The following CEACAM19 variants were observed in gnomAD, a reference collection of about 807,000 sequenced individuals.
The protein encoded by CEACAM19 is cell adhesion molecule CEACAM19.
In CEACAM19, 37 loss-of-function variants were observed where a neutral mutation model predicts 37.6. The ratio of observed to expected loss-of-function variants is 0.98; its 90% CI spans 0.76 to 1.29. The LOEUF (loss-of-function observed/expected upper bound fraction) is 1.29. Ranked by LOEUF, CEACAM19 falls within the 50% of genes most tolerant of loss-of-function variation. The pLI is 0.00. For synonymous variants in CEACAM19, 140 were observed against 149.8 expected (o/e 0.93, Z 0.48); for missense variants, 340 against 375.6 (o/e 0.91, Z 0.78).
chr19:44,682,761 G>A (rs1473855035), intron 7 of CEACAM19, 141 bp downstream of exon 7: 5 of 753,114 alleles, frequency 6.6e-6, no homozygotes, highest in Admixed American at 3.3e-5. Flanking sequence ...CTCTGCTCTC[G>A]AAGAAGCCCA....
Position 44,672,620 on chromosome 19 carries a change from T to C in CEACAM19, c.80T>C (p.Leu27Pro). 6.7e-7 allele frequency: 1 copy of C among 1,485,198 alleles called. No individual in the cohort carries two copies. The highest frequency in any genetic ancestry group is 9.0e-7 in the Non-Finnish European group (1 of 1,116,572). The allele number at this position is 1,485,198 out of a possible 1,614,324, so 92.0% of individuals were successfully genotyped here. Reference protein sequence around the residue: ...LSASILVLWMLQGSQAALYIQ... With the variant: ...LSASILVLWMPQGSQAALYIQ... ...GCCTCAATCCTGGTCCTCTGGATGC[T>C]CCAAGGCTCCCAGGCAGCTCTCTAC... Residue 27 changes from leucine (L) to proline (P), a missense_variant, in exon 2 of 8, where the codon CTC (leucine) becomes CCC (proline). Leu to Pro is a moderately conservative substitution (Grantham distance 98). Transcript: ENST00000358777.
chr19:44,670,617 G>C (rs1973837777), upstream of CEACAM19, among the ~76,000 whole-genome samples: 1 of 151,496 alleles, frequency 6.6e-6, no homozygotes, highest in South Asian at 2.1e-4. Context: ...GGAGGTTGCA[G>C]TAAACTGAGA....
chr19:44,672,034 A>G, intron 1 of CEACAM19, 48 bp downstream of exon 1: 3 of 1,481,168 alleles, frequency 2.0e-6, no homozygotes, highest in Non-Finnish European at 2.8e-6. Context: ...ATGGGGACTC[A>G]GCCCAGAGAT....
At chr19:44,673,053 T>C in intron 2 of CEACAM19, 89 bp downstream of exon 2, 1 of 1,126,320 alleles carries the variant, frequency 8.9e-7, no homozygotes, top group Non-Finnish European at 1.2e-6. Context: ...CACCATTTCA[T>C]TTGGTCCTCT....
Position 44,681,255 on chromosome 19 carries a change from C to T in CEACAM19, c.735C>T (p.Pro245=). The change falls in exon 6 of 8, where the codon CCC becomes CCT. Residue 245 remains proline (P), a synonymous_variant. Transcript: ENST00000358777. ...ACAACAACATCTATGAAGTGATGCC[C>T]TCTCCAGTCCTCCTGGTGTCCCCCA... The part of the protein sequence containing the change: ...AGDNNIYEVM[P]SPVLLVSPIS... The T allele has an allele frequency of 6.2e-7, 1 of 1,614,098 alleles. No individual in the cohort carries two copies. Among genetic ancestry groups the T allele is most frequent in the Non-Finnish European group, 8.5e-7 (1 of 1,179,998 alleles).
In CEACAM19 at chr19:44,672,721, C is replaced by T. The variant is rs748516442; in HGVS notation, c.181C>T (p.Gln61Ter). ...AGTCCAGGGTGTCCCAGACACCTTC[C>T]AGGACTTCAACTGGTACCTGGGGGA... ...LSVQGVPDTFQDFNWYLGEET... is the reference protein window; with the variant it reads ...LSVQGVPDTF Residue 61 changes from glutamine (Q) to a stop codon, truncating the protein, a stop_gained, in exon 2 of 8, where the codon CAG becomes TAG. Coordinates refer to ENST00000358777, the MANE Select transcript of CEACAM19 (RefSeq NM_001127893.3). LOFTEE classifies it high-confidence loss of function. 6.3e-7 allele frequency: 1 copy of T among 1,583,616 alleles called. No individual in the cohort carries two copies. The highest frequency in any genetic ancestry group is 8.6e-7 in the Non-Finnish European group (1 of 1,163,760).
Position 44,680,254 on chromosome 19 carries a change from T to C in CEACAM19, c.660-34T>C, listed in dbSNP as rs368990010. The C allele has an allele frequency of 7.0e-6, 11 of 1,582,456 alleles. No homozygotes were observed. In the African/African-American group the frequency reaches 1.2e-4, roughly 17 times the overall value. On this transcript the variant is annotated intron_variant, in intron 4 of 7. Coordinates refer to ENST00000358777, the MANE Select transcript of CEACAM19 (RefSeq NM_001127893.3). ...CTCTCCCCCCGCCTGAGTGTCTCTC[T>C]ATCCTAATATCAATTCCCTCTATGT...
upstream of CEACAM19, among the ~76,000 whole-genome samples, chr19:44,668,030 T>G (rs1219548631): frequency 1.2e-5 from 1 of 86,098 alleles, no homozygotes; most frequent in East Asian, 3.6e-4. Flanking sequence ...ATAGTATATA[T>G]TATATATTTA....
intron 3 of CEACAM19, chr19:44,677,804 T>G (rs946459542): frequency 6.6e-6 from 1 of 151,732 alleles, no homozygotes; most frequent in African/African-American, 2.4e-5. Flanking sequence ...GCCTCCCAAG[T>G]AGCTGAGACT....
At chr19:44,680,964 G>A (rs866960195) in intron 5 of CEACAM19, among the ~76,000 whole-genome samples, 4 of 119,586 alleles carry the variant, frequency 3.3e-5, no homozygotes, top group Non-Finnish European at 7.2e-5. Context: ...GCTCCCACCC[G>A]CCCCCAGTCC....
chr19:44,667,351 T>C (rs530146382), upstream of CEACAM19: 2 of 150,864 alleles, frequency 1.3e-5, no homozygotes, highest in Non-Finnish European at 2.9e-5. Context: ...TAGAAGTTTC[T>C]GAGATGATGA....
chr19:44,668,868 G>A (rs188122954), upstream of CEACAM19, among the ~76,000 whole-genome samples: 145 of 123,506 alleles, frequency 1.2e-3, no homozygotes, highest in South Asian at 3.4e-3. Context: ...TGCCCAGGCC[G>A]GAGTGCAGTG....
chr19:44,667,669 AAT>A (rs1212612295), upstream of CEACAM19, among the ~76,000 whole-genome samples: 22 of 81,702 alleles, frequency 2.7e-4, no homozygotes, highest in East Asian at 4.6e-3. Flanking sequence ...TATAAATATA[AAT>A]ATATATTATA....
upstream of CEACAM19, chr19:44,667,385 G>A (rs929373971): frequency 6.6e-6 from 1 of 150,470 alleles, no homozygotes; most frequent in Non-Finnish European, 1.5e-5. Context: ...CATCTGTGCT[G>A]TCCAATGGAG....
In CEACAM19 at chr19:44,678,849, C is replaced by T. The variant is rs1178662864; in HGVS notation, c.576-4C>T. 1 of 1,613,768 alleles carries T rather than the reference C, an allele frequency of 6.2e-7. No individual in the cohort carries two copies. On this transcript the variant is annotated splice_region_variant and splice_polypyrimidine_tract_variant and intron_variant, in intron 3 of 7. Coordinates refer to ENST00000358777, the MANE Select transcript of CEACAM19 (RefSeq NM_001127893.3). The stretch of plus-strand genomic sequence containing the variant: ...AATTTTCTTCCCCTCTCTTTCCACC[C>T]TAGACTGCCTGCTCCGAGGGGCCAG...
At position 44,671,724 on chromosome 19, in the gene CEACAM19, T is replaced by C; in HGVS notation, c.-208T>C. On this transcript the variant is annotated 5_prime_UTR_variant, in exon 1 of 8. Transcript: ENST00000358777. ...GTCACCCTGAAAAACTGGTTCAACCTCTGTCTGTGCTCCCATCCCAGGGAG... is the reference window on the plus strand; with the variant it reads ...GTCACCCTGAAAAACTGGTTCAACCCCTGTCTGTGCTCCCATCCCAGGGAG... 3.8e-6 allele frequency: 2 copies of C among 522,110 alleles called. No homozygotes were observed. The highest frequency in any genetic ancestry group is 6.9e-6 in the Non-Finnish European group (2 of 291,326). 32.3% of individuals were successfully genotyped at this position (522,110 alleles called of 1,614,324 possible). A position where few individuals can be genotyped will look rare whatever the true frequency, so the allele number is the denominator to read the frequency against.
Position 44,672,829 on chromosome 19 carries a change from C to CGAG in CEACAM19, c.290_292dup (p.Arg97_Asp98insGly). ...GAGGGATGGCAGTGCCATGGGACAG[C>CGAG]GAGACATCGTGGGCTTCCCCAATGG... On this transcript the variant is annotated inframe_insertion, in exon 2 of 8. Coordinates refer to ENST00000358777, the MANE Select transcript of CEACAM19 (RefSeq NM_001127893.3). The CGAG allele has an allele frequency of 6.2e-7, 1 of 1,600,422 alleles. No homozygotes were observed. Among genetic ancestry groups the CGAG allele is most frequent in the Non-Finnish European group, 8.5e-7 (1 of 1,172,416 alleles).
chr19:44,681,723 A>T (rs898711454), intron 6 of CEACAM19, among the ~76,000 whole-genome samples: 7 of 152,070 alleles, frequency 4.6e-5, no homozygotes, highest in Non-Finnish European at 8.8e-5. Context: ...TGAGGTCAGG[A>T]GTTTGAGACC....
At chr19:44,677,439 GAGAGAGAGAGAGAGAGAGGAGAGAGA>G (rs1040576531) in intron 3 of CEACAM19, 5 of 152,132 alleles carry the variant, frequency 3.3e-5, no homozygotes, top group African/African-American at 9.6e-5. Context: ...TATGGAGAGA[GAGAGAGAGAGAGAGAGAGGAGAGAGA>G]GGAGAGAGAG....
Sources: allele counts gnomAD v4.1 joint callset (sites outside exome capture counted in the v4.1 genomes callset), GRCh38; gene constraint gnomAD v4.1.1; transcripts MANE v1.5; gene names NCBI Gene and HGNC (gene_info 2026-07-23, HGNC 2026-07-21).